The following SMIM24 variants were observed in gnomAD, a reference collection of about 807,000 sequenced individuals.
The protein encoded by SMIM24 is MAP17-related dimer.
In SMIM24, 6 loss-of-function variants were observed where a neutral mutation model predicts 10.8. That is an observed-to-expected ratio of 0.55 (90% CI 0.30 to 1.09). The LOEUF is 1.09. Ranked by LOEUF, SMIM24 falls within the 50% of genes least tolerant of loss-of-function variation. The probability of loss-of-function intolerance (pLI) is 0.06; values close to 1 mark genes in which losing one functional copy is unlikely to be tolerated. For missense variants in SMIM24, 151 were observed against 153.4 expected, an observed-to-expected ratio of 0.98 and a Z score of 0.08; for synonymous variants, 71 against 62.4, an observed-to-expected ratio of 1.14 and a Z score of -0.65.
chr19:3,476,647 G>C (rs944155368), intron 3 of SMIM24, among the ~76,000 whole-genome samples: 2 of 152,124 alleles, frequency 1.3e-5, no homozygotes, highest in Non-Finnish European at 2.9e-5. Context: ...CTTGGACTCA[G>C]CTGAGACTCT....
Position 3,478,860 on chromosome 19 carries a change from T to A in SMIM24, c.137A>T (p.Tyr46Phe). The A allele has an allele frequency of 6.5e-7, 1 of 1,549,296 alleles. No individual in the cohort carries two copies. Among genetic ancestry groups the A allele is most frequent in the East Asian group, 2.4e-5 (1 of 40,838 alleles). The change falls in exon 2 of 4, where the codon TAT becomes TTT. Residue 46 changes from tyrosine (Y) to phenylalanine (F), a missense_variant. Physicochemically the swap from Tyr to Phe is conservative, Grantham distance 22. Coordinates refer to ENST00000215531, the MANE Select transcript of SMIM24 (RefSeq NM_001136503.2). ...GAGGCGGTTGGCCAGCAAGACCAAA[T>A]AGACGATGAACAGGAAGCCGACTAC... is the stretch of plus-strand genomic sequence containing the variant. The part of the protein sequence containing the change: ...AAVVGFLFIV[Y>F]LVLLANRLWC...
rs1568215774 is a variant in SMIM24, at chr19:3,478,830, C to T, written c.167G>A (p.Cys56Tyr). ...GGCGGGCACCCACCTGGCCTTGGAA[C>T]ACCAGAGGCGGTTGGCCAGCAAGAC... The part of the protein sequence containing the change: ...YLVLLANRLW[C>Y]SKARAEDEEE... The change falls in exon 2 of 4, where the codon TGT becomes TAT. Residue 56 changes from cysteine to tyrosine, a missense_variant. Coordinates refer to ENST00000215531, the MANE Select transcript of SMIM24 (RefSeq NM_001136503.2). The T allele has an allele frequency of 1.3e-6, 2 of 1,549,246 alleles. No individual in the cohort carries two copies. The highest frequency in any genetic ancestry group is 2.0e-5 in the Admixed American group (1 of 50,922).
At chr19:3,475,594 G>T (rs1282329741) in intron 3 of SMIM24, among the ~76,000 whole-genome samples, 1 of 151,614 alleles carries the variant, frequency 6.6e-6, no homozygotes, top group African/African-American at 2.4e-5. Flanking sequence ...TGAATGGGTG[G>T]GTGGGTGGAT....
intron 1 of SMIM24, among the ~76,000 whole-genome samples, chr19:3,479,465 A>G (rs993641798): frequency 2.1e-5 from 3 of 144,912 alleles, no homozygotes; most frequent in African/African-American, 7.8e-5. Context: ...AAGGAGGCAG[A>G]GGCTTAGAGG....
chr19:3,478,087 A>G (rs989577972), intron 3 of SMIM24, among the ~76,000 whole-genome samples: 1 of 152,170 alleles, frequency 6.6e-6, no homozygotes, highest in South Asian at 2.1e-4. Flanking sequence ...GGGTATGAGG[A>G]CACAGCCAGG....
chr19:3,478,293 A>G, intron 3 of SMIM24, 126 bp downstream of exon 3: 1 of 894,692 alleles, frequency 1.1e-6, no homozygotes, highest in Non-Finnish European at 1.6e-6. Flanking sequence ...AAGATACAGG[A>G]AAGGTGAAGA....
chr19:3,474,896 G>T lies in SMIM24; in HGVS notation c.340C>A (p.Leu114Met), dbSNP rs2082786501. 2 of 1,551,508 alleles carry T rather than the reference G, an allele frequency of 1.3e-6. No homozygotes were observed. Among genetic ancestry groups the T allele is most frequent in the Admixed American group, 2.0e-5 (1 of 50,964 alleles). ...KEGESNLGLD[L>M]EEKEPGDHER... ...TGGTCTCCGGGCTCTTTTTCCTCCAGATCCAGTCCCAAGTTGCTCTCTCCT... is the reference window on the plus strand; with the variant it reads ...TGGTCTCCGGGCTCTTTTTCCTCCATATCCAGTCCCAAGTTGCTCTCTCCT... The change falls in exon 4 of 4, where the codon CTG (leucine) becomes ATG (methionine). Residue 114 changes from leucine (L) to methionine (M), a missense_variant. Transcript: ENST00000215531.
intron 1 of SMIM24, among the ~76,000 whole-genome samples, chr19:3,479,727 GT>G (rs2082809632): frequency 3.0e-5 from 4 of 134,502 alleles, no homozygotes; most frequent in African/African-American, 2.8e-5. Context: ...GGGGCTCAGA[GT>G]GGGAGGGGCT....
Position 3,474,793 on chromosome 19 carries a change from G to A in SMIM24, c.*50C>T, listed in dbSNP as rs1463265621. The A allele has an allele frequency of 1.3e-6, 2 of 1,535,306 alleles. No homozygotes were observed. Among genetic ancestry groups the A allele is most frequent in the Non-Finnish European group, 8.8e-7 (1 of 1,140,830 alleles). ...AAGTCCAGGGCACTGCTTTTAGGGG[G>A]CAGAAGAGGCATCTCTGGGGGACTG... On this transcript the variant is annotated 3_prime_UTR_variant, in exon 4 of 4. Coordinates refer to ENST00000215531, the MANE Select transcript of SMIM24 (RefSeq NM_001136503.2).
chr19:3,478,604 A>T (rs988850223), intron 2 of SMIM24, 126 bp from the exon 3 acceptor site: 3 of 1,009,610 alleles, frequency 3.0e-6, no homozygotes, highest in Admixed American at 5.5e-5. Flanking sequence ...GAACCCCAGG[A>T]CGCAAGGAAG....
chr19:3,478,600 C>G lies in SMIM24; in HGVS notation c.180-122G>C. 5.8e-6 allele frequency: 6 copies of G among 1,043,270 alleles called. No homozygotes were observed. In the South Asian group the frequency reaches 9.7e-5, roughly 17 times the overall value. The allele number at this position is 1,043,270 out of a possible 1,614,324, so 64.6% of individuals were successfully genotyped here. The stretch of plus-strand genomic sequence containing the variant: ...CCTCCCAGCCGGGGCTCATGAACCC[C>G]AGGACGCAAGGAAGGGCTGGGCTGC... On this transcript the variant is annotated intron_variant, in intron 2 of 3. Transcript: ENST00000215531.
chr19:3,475,179 A>G (rs1411078455), intron 3 of SMIM24, among the ~76,000 whole-genome samples, 183 bp from the exon 4 acceptor site: 1 of 152,204 alleles, frequency 6.6e-6, no homozygotes, highest in Admixed American at 6.5e-5. Flanking sequence ...CTAAGACTCA[A>G]TTGCTCCATG....
chr19:3,474,868 T>A lies in SMIM24; in HGVS notation c.368A>T (p.Glu123Val), dbSNP rs761524971. Reference sequence around the variant, plus strand: ...TCACATGACTGTGCTCTTTGCTCTCTCATGGTCTCCGGGCTCTTTTTCCTC... The same window carrying A: ...TCACATGACTGTGCTCTTTGCTCTCACATGGTCTCCGGGCTCTTTTTCCTC... ...DLEEKEPGDH[E>V]RAKSTVM is the part of the protein sequence containing the mutation. Residue 123 changes from glutamate (E) to valine (V), a missense_variant, in exon 4 of 4, where the codon GAG becomes GTG. Transcript: ENST00000215531. 20 of 1,551,658 alleles carry A rather than the reference T, an allele frequency of 1.3e-5. No individual in the cohort carries two copies. The South Asian group carries it at 2.3e-4, about 18-fold the overall frequency.
intron 1 of SMIM24, among the ~76,000 whole-genome samples, chr19:3,479,759 AG>A (rs2082809854): frequency 9.7e-6 from 1 of 103,062 alleles, no homozygotes. Context: ...GCAGAGGCTC[AG>A]GGGGAGGGGC....
intron 1 of SMIM24, 185 bp from the exon 2 acceptor site, chr19:3,479,114 G>A (rs1440530671): frequency 9.5e-6 from 5 of 524,578 alleles, no homozygotes; most frequent in Non-Finnish European, 1.7e-5. Context: ...GAGAGGGGGA[G>A]GGTACCTTAC....
At chr19:3,480,370 C>G in intron 1 of SMIM24, 27 bp downstream of exon 1, 1 of 1,481,352 alleles carries the variant, frequency 6.8e-7, no homozygotes. Flanking sequence ...TATCCCGCGA[C>G]GCCCCCTCCC....
chr19:3,475,143 C>T (rs1471149348), intron 3 of SMIM24, 147 bp from the exon 4 acceptor site: 2 of 957,020 alleles, frequency 2.1e-6, no homozygotes, highest in African/African-American at 3.3e-5. Context: ...CGCGGCCTCA[C>T]GATTTCCATT....
At chr19:3,480,018 G>A (rs1232119373) in intron 1 of SMIM24, among the ~76,000 whole-genome samples, 2 of 150,918 alleles carry the variant, frequency 1.3e-5, no homozygotes, top group Middle Eastern at 3.4e-3. Context: ...GGAGGGGCTC[G>A]GGGAGGGGTT....
At chr19:3,478,059 T>A (rs1210956886) in intron 3 of SMIM24, among the ~76,000 whole-genome samples, 1 of 152,146 alleles carries the variant, frequency 6.6e-6, no homozygotes, top group African/African-American at 2.4e-5. Context: ...GCACCTCCTG[T>A]GTTCCAGGCC....
Sources: gnomAD v4.1 joint callset for allele counts (sites outside exome capture counted in the v4.1 genomes callset) on GRCh38, gnomAD v4.1.1 for gene constraint, MANE v1.5 for transcripts, NCBI Gene and HGNC (gene_info 2026-07-23, HGNC 2026-07-21) for gene names.